Variants in TBC1D32 observed in about 807,000 individuals in gnomAD.
The protein encoded by TBC1D32 is protein broad-minded.
In TBC1D32, 151 loss-of-function variants were observed where a neutral mutation model predicts 170.3. The observed-to-expected ratio is 0.89, with a 90% confidence interval of 0.78 to 1.01. The LOEUF (loss-of-function observed/expected upper bound fraction) is 1.01. TBC1D32 is among the 50% of genes least tolerant of loss of function. The probability of loss-of-function intolerance (pLI) is 0.00; values close to 1 mark genes in which losing one functional copy is unlikely to be tolerated. For missense variants in TBC1D32, 1,464 were observed against 1,457.1 expected (o/e 1.00, Z -0.08); for synonymous variants, 498 against 488.0 (o/e 1.02, Z -0.27).
chr6:121,118,932 A>G (rs111244097), intron 26 of TBC1D32, among the ~76,000 whole-genome samples: 9,409 of 152,246 alleles, frequency 0.062, 386 homozygotes, highest in South Asian at 0.15. Context: ...GTAATTTGGG[A>G]AAAATAGCAT....
intron 30 of TBC1D32, among the ~76,000 whole-genome samples, chr6:121,094,872 A>C (rs1293063190): frequency 6.6e-6 from 1 of 152,152 alleles, no homozygotes; most frequent in Non-Finnish European, 1.5e-5. Flanking sequence ...ACGTATTTTC[A>C]AATTTTTTTC....
Position 121,223,356 on chromosome 6 carries a change from G to C in TBC1D32, c.2365-4C>G, listed in dbSNP as rs751547444. ...AGTTCACCAGTGCTAAAAAAGACTA[G>C]AGGGAAAGAAAACAGTCATTTAAAT... On this transcript the variant is annotated splice_polypyrimidine_tract_variant and splice_region_variant and intron_variant, in intron 20 of 31. Coordinates refer to ENST00000398212, the MANE Select transcript of TBC1D32 (RefSeq NM_152730.6). The C allele has an allele frequency of 8.4e-6, 13 of 1,556,330 alleles. No individual in the cohort carries two copies. In the Middle Eastern group the frequency reaches 5.0e-4, roughly 60 times the overall value.
intron 31 of TBC1D32, among the ~76,000 whole-genome samples, chr6:121,088,419 G>A (rs1776474243): frequency 6.6e-6 from 1 of 152,010 alleles, no homozygotes; most frequent in African/African-American, 2.4e-5. Context: ...TTCTAGGGTA[G>A]GCAAAATAAA....
At chr6:121,274,072 T>C (rs939554766) in intron 15 of TBC1D32, among the ~76,000 whole-genome samples, 9 of 152,072 alleles carry the variant, frequency 5.9e-5, no homozygotes, top group African/African-American at 2.2e-4. Context: ...TGGTGGCTCA[T>C]GCCTGTAATC....
chr6:121,101,639 T>C (rs1032556248), intron 30 of TBC1D32, among the ~76,000 whole-genome samples: 1 of 152,150 alleles, frequency 6.6e-6, no homozygotes, highest in African/African-American at 2.4e-5. Context: ...TCACACTGAA[T>C]GGGCAAAAAC....
intron 22 of TBC1D32, among the ~76,000 whole-genome samples, chr6:121,183,834 G>T (rs1025572636): frequency 6.6e-6 from 1 of 151,946 alleles, no homozygotes; most frequent in African/African-American, 2.4e-5. Flanking sequence ...TCTTCTCACA[G>T]CAATAAAAAA....
intron 22 of TBC1D32, among the ~76,000 whole-genome samples, chr6:121,177,102 G>T (rs1436489136): frequency 2.0e-5 from 3 of 152,056 alleles, no homozygotes; most frequent in African/African-American, 7.2e-5. Context: ...TAAGTGTAAG[G>T]AAATGATTGC....
chr6:121,278,885 A>T (rs911163057), intron 15 of TBC1D32, among the ~76,000 whole-genome samples: 5 of 152,070 alleles, frequency 3.3e-5, no homozygotes, highest in African/African-American at 7.2e-5. Flanking sequence ...ATCATGTGTG[A>T]CAAAAGTCTG....
At chr6:121,220,205 G>A (rs1264478412) in intron 21 of TBC1D32, among the ~76,000 whole-genome samples, 2 of 152,186 alleles carry the variant, frequency 1.3e-5, no homozygotes, top group Non-Finnish European at 2.9e-5. Flanking sequence ...AACTGAGACA[G>A]GCCAAAAGCT....
chr6:121,091,910 G>C (rs1223160581), intron 30 of TBC1D32, among the ~76,000 whole-genome samples: 1 of 152,124 alleles, frequency 6.6e-6, no homozygotes, highest in African/African-American at 2.4e-5. Context: ...GGGAAATACA[G>C]TCACAAAGAC....
chr6:121,106,058 A>C lies in TBC1D32; in HGVS notation c.3430T>G (p.Ser1144Ala), dbSNP rs1259890893. The change falls in exon 30 of 32, where the codon TCA becomes GCA. Residue 1144 changes from serine (S) to alanine (A), a missense_variant. Physicochemically the swap from Ser to Ala is moderately conservative, Grantham distance 99. Transcript: ENST00000398212. ...LLKAELPLVF[S>A]AFHMSGFAPS... Reference sequence around the variant, plus strand: ...GCAAAACCAGACATGTGAAAAGCTGAAAACACAAGAGGCAACTCAGCCTTC... The same window carrying C: ...GCAAAACCAGACATGTGAAAAGCTGCAAACACAAGAGGCAACTCAGCCTTC... 1.9e-6 allele frequency: 3 copies of C among 1,608,562 alleles called. No individual in the cohort carries two copies. Among genetic ancestry groups the C allele is most frequent in the Non-Finnish European group, 2.6e-6 (3 of 1,176,184 alleles).
chr6:121,117,000 A>C (rs1284967948), intron 26 of TBC1D32, among the ~76,000 whole-genome samples: 1 of 152,072 alleles, frequency 6.6e-6, no homozygotes, highest in Admixed American at 6.6e-5. Context: ...AGATAAATAG[A>C]CTCGACTCCA....
At chr6:121,268,795 A>C (rs1448035134) in intron 15 of TBC1D32, among the ~76,000 whole-genome samples, 1 of 152,178 alleles carries the variant, frequency 6.6e-6, no homozygotes, top group African/African-American at 2.4e-5. Flanking sequence ...GAGCAACTGC[A>C]AGACACATAA....
At position 121,080,873 on chromosome 6, in the gene TBC1D32, C is replaced by T. The variant is rs773448249; in HGVS notation, c.3672G>A (p.Gly1224=). ...QVFLKEEALH[G]FRVSDYFEYM... Reference sequence around the variant, plus strand: ...ATTCAAAATAATCACTCACTCGAAACCCATGCAGTGCTTCTTCCTGCCAAA... The same window carrying T: ...ATTCAAAATAATCACTCACTCGAAATCCATGCAGTGCTTCTTCCTGCCAAA... The change falls in exon 32 of 32, where the codon GGG becomes GGA. Residue 1224 remains glycine (G), a synonymous_variant. Coordinates refer to ENST00000398212, the MANE Select transcript of TBC1D32 (RefSeq NM_152730.6). 4 of 1,612,468 alleles carry T rather than the reference C, an allele frequency of 2.5e-6. No individual in the cohort carries two copies. Among genetic ancestry groups the T allele is most frequent in the East Asian group, 2.2e-5 (1 of 44,830 alleles).
chr6:121,162,893 A>T (rs1785947478), intron 22 of TBC1D32: 1 of 109,250 alleles, frequency 9.2e-6, no homozygotes, highest in Non-Finnish European at 2.0e-5. Flanking sequence ...AAGCAGGGCG[A>T]GGCATTGCCT....
intron 24 of TBC1D32, among the ~76,000 whole-genome samples, chr6:121,144,864 C>A (rs1783220328): frequency 6.6e-6 from 1 of 152,058 alleles, no homozygotes; most frequent in Non-Finnish European, 1.5e-5. Context: ...AAAGATCCAA[C>A]AAATGAGACA....
At chr6:121,111,753 T>C (rs564125279) in intron 29 of TBC1D32, among the ~76,000 whole-genome samples, 2 of 152,242 alleles carry the variant, frequency 1.3e-5, no homozygotes, top group South Asian at 4.1e-4. Flanking sequence ...AAATATATAT[T>C]GTAAAAAACA....
At chr6:121,208,818 CA>C (rs1323156357) in intron 21 of TBC1D32, among the ~76,000 whole-genome samples, 3 of 150,050 alleles carry the variant, frequency 2.0e-5, no homozygotes, top group African/African-American at 7.3e-5. Flanking sequence ...ACCTTGTTTT[CA>C]AACTTCTGGC....
rs201387752 is a variant in TBC1D32, at chr6:121,085,346, CATACATATATATACAT to C, written c.3655-4472_3655-4457del. Among the ~76,000 whole-genome samples, 46 of 121,478 alleles carry C rather than the reference CATACATATATATACAT, an allele frequency of 3.8e-4. No homozygotes were observed. In the South Asian group the frequency reaches 0.01, roughly 27 times the overall value. 79.7% of individuals were successfully genotyped at this position (121,478 alleles called of 152,430 possible). On this transcript the variant is annotated intron_variant, in intron 31 of 31. Transcript: ENST00000398212. ...ATATATATATACATACATATATATA[CATACATATATATACAT>C]ATATATATGTGTATATATATATATA...
Sources: gnomAD v4.1 joint callset for allele counts (sites outside exome capture counted in the v4.1 genomes callset) on GRCh38, gnomAD v4.1.1 for gene constraint, MANE v1.5 for transcripts, NCBI Gene and HGNC (gene_info 2026-07-23, HGNC 2026-07-21) for gene names.